Variants in TRAPPC9 observed in about 807,000 individuals in gnomAD.
The protein encoded by TRAPPC9 is IKK2 binding protein.
A neutral mutation model predicts 124.0 loss-of-function variants in TRAPPC9; 83 were observed. The ratio of observed to expected loss-of-function variants is 0.67; its 90% CI spans 0.56 to 0.80. The LOEUF (loss-of-function observed/expected upper bound fraction) is 0.80, where lower values mean the gene tolerates loss of function less well. Among genes scored for constraint, TRAPPC9 ranks in the 30% least tolerant of loss-of-function variants. The pLI is 0.00. For missense variants in TRAPPC9, 1,302 were observed against 1,508.3 expected (o/e 0.86, Z 2.27); for synonymous variants, 638 against 617.5 (o/e 1.03, Z -0.49).
intron 17 of TRAPPC9, among the ~76,000 whole-genome samples, chr8:140,192,570 C>T (rs1162392110): frequency 6.6e-6 from 1 of 152,234 alleles, no homozygotes; most frequent in Non-Finnish European, 1.5e-5. Context: ...GCTGTGCAGT[C>T]AGGGCAGCCC....
chr8:139,861,153 C>T (rs560438441), intron 21 of TRAPPC9, among the ~76,000 whole-genome samples: 8 of 152,258 alleles, frequency 5.3e-5, no homozygotes, highest in Non-Finnish European at 1.2e-4. Context: ...ATTTTCTCAG[C>T]AAGGCAATTT....
At chr8:139,815,680 G>A (rs1824780948) in intron 21 of TRAPPC9, among the ~76,000 whole-genome samples, 1 of 152,176 alleles carries the variant, frequency 6.6e-6, no homozygotes, top group African/African-American at 2.4e-5. Context: ...GTGAGCCACA[G>A]CGCCCGGCAA....
intron 15 of TRAPPC9, among the ~76,000 whole-genome samples, chr8:140,269,084 T>C (rs1460937167): frequency 1.3e-5 from 2 of 151,968 alleles, no homozygotes; most frequent in African/African-American, 4.8e-5. Flanking sequence ...GACAGATCCA[T>C]GTATTTCTAA....
intron 2 of TRAPPC9, among the ~76,000 whole-genome samples, chr8:140,446,441 A>G (rs894783138): frequency 6.6e-6 from 1 of 152,214 alleles, no homozygotes; most frequent in Non-Finnish European, 1.5e-5. Flanking sequence ...GTGGTCACTT[A>G]TACAGGGCCT....
At chr8:139,891,184 C>T (rs763458748) in intron 20 of TRAPPC9, among the ~76,000 whole-genome samples, 6 of 152,238 alleles carry the variant, frequency 3.9e-5, no homozygotes, top group Non-Finnish European at 7.3e-5. Context: ...GTTTTTCTTC[C>T]TTTGAACCCA....
chr8:140,080,910 G>A (rs1406757073), intron 17 of TRAPPC9, among the ~76,000 whole-genome samples: 1 of 152,142 alleles, frequency 6.6e-6, no homozygotes, highest in Non-Finnish European at 1.5e-5. Context: ...GAGCACAAAG[G>A]GTTTCATGTC....
rs532658419 is a variant in TRAPPC9, at chr8:140,152,968, A to G, written c.2556+68491T>C. Reference sequence around the variant, plus strand: ...TATCTTATTCCTAATTTTAGAGGGAACCCTTTGTTTTTTACCATTAAGTGT... The same window carrying G: ...TATCTTATTCCTAATTTTAGAGGGAGCCCTTTGTTTTTTACCATTAAGTGT... On this transcript the variant is annotated intron_variant, in intron 17 of 22. Coordinates refer to ENST00000438773, the MANE Select transcript of TRAPPC9 (RefSeq NM_001160372.4). 2.0e-5 allele frequency among the ~76,000 whole-genome samples: 3 copies of G among 152,080 alleles called. No individual in the cohort carries two copies. The South Asian group carries it at 6.2e-4, about 32-fold the overall frequency.
At chr8:140,148,053 C>G (rs1041650542) in intron 17 of TRAPPC9, among the ~76,000 whole-genome samples, 2 of 152,238 alleles carry the variant, frequency 1.3e-5, no homozygotes, top group African/African-American at 4.8e-5. Flanking sequence ...AGCAGTGAAG[C>G]AGACACACCC....
rs1040066999 is a variant in TRAPPC9 at position 139,737,472 on chromosome 8, C to T, written c.3056-5270G>A. On this transcript the variant is annotated intron_variant, in intron 21 of 22. Coordinates refer to ENST00000438773, the MANE Select transcript of TRAPPC9 (RefSeq NM_001160372.4). ...AGGCGGGGGTCATCAGCCCTCCCCC[C>T]CCCCCCACGGAAAACCCTGAGTCTG... Among the ~76,000 whole-genome samples the T allele has an allele frequency of 4.2e-5, 5 of 119,104 alleles. 1 individual carries two copies. The highest frequency in any genetic ancestry group is 1.5e-4 in the African/African-American group (5 of 33,814). The allele number at this position is 119,104 out of a possible 152,430, so 78.1% of individuals were successfully genotyped here.
chr8:140,215,355 G>A (rs2063164917), intron 17 of TRAPPC9, among the ~76,000 whole-genome samples: 1 of 152,072 alleles, frequency 6.6e-6, no homozygotes, highest in African/African-American at 2.4e-5. Context: ...AGACACAGAG[G>A]GCAGGCGCCG....
At position 140,274,219 on chromosome 8, in the gene TRAPPC9, GA is replaced by G. The variant is rs370765991; in HGVS notation, c.2278+1438del. 7.7e-3 allele frequency among the ~76,000 whole-genome samples: 1,142 copies of G among 148,228 alleles called. 5 individuals are homozygous for G. Among genetic ancestry groups the G allele is most frequent in the Non-Finnish European group, 0.011 (766 of 66,840 alleles). ...TGTGACTAGCACTGAAAGGAAAAAG[GA>G]AAAAAAAAACCCACAGAAAAGGGAA... On this transcript the variant is annotated intron_variant, in intron 15 of 22. Coordinates refer to ENST00000438773, the MANE Select transcript of TRAPPC9 (RefSeq NM_001160372.4).
At chr8:140,375,017 G>A (rs185846083) in intron 7 of TRAPPC9, among the ~76,000 whole-genome samples, 4 of 152,228 alleles carry the variant, frequency 2.6e-5, no homozygotes, top group Admixed American at 1.3e-4. Context: ...AAGCTCGAGC[G>A]CAACTGCTTT....
chr8:139,743,073 G>T (rs564096121), intron 21 of TRAPPC9, among the ~76,000 whole-genome samples: 3 of 152,292 alleles, frequency 2.0e-5, no homozygotes, highest in African/African-American at 7.2e-5. Flanking sequence ...GTGGGGTGAG[G>T]CTACCGTGGG....
At chr8:140,432,356 T>G (rs951610981) in intron 4 of TRAPPC9, among the ~76,000 whole-genome samples, 2 of 152,118 alleles carry the variant, frequency 1.3e-5, no homozygotes, top group Non-Finnish European at 2.9e-5. Context: ...ATCCAAAAAC[T>G]TTAACACCCC....
At chr8:140,210,170 C>T (rs1033721784) in intron 17 of TRAPPC9, among the ~76,000 whole-genome samples, 6 of 152,224 alleles carry the variant, frequency 3.9e-5, no homozygotes, top group Admixed American at 1.3e-4. Context: ...GCAGAGGGGC[C>T]GGAACCGTGA....
At chr8:139,995,712 G>C (rs554600315) in intron 18 of TRAPPC9, among the ~76,000 whole-genome samples, 1 of 152,174 alleles carries the variant, frequency 6.6e-6, no homozygotes, top group East Asian at 1.9e-4. Flanking sequence ...GAGCTTGACA[G>C]AATCAGACCC....
intron 17 of TRAPPC9, chr8:140,099,004 G>C (rs1037809852): frequency 6.6e-6 from 1 of 152,274 alleles, no homozygotes; most frequent in African/African-American, 2.4e-5. Flanking sequence ...CCGTGCACAG[G>C]GGAGGACACC....
chr8:139,937,146 A>G (rs1355060103), intron 19 of TRAPPC9, among the ~76,000 whole-genome samples: 1 of 152,128 alleles, frequency 6.6e-6, no homozygotes, highest in Non-Finnish European at 1.5e-5. Context: ...GCATCCCAGG[A>G]GGGGGCTGCT....
intron 9 of TRAPPC9, among the ~76,000 whole-genome samples, chr8:140,348,513 T>G (rs1588191454): frequency 6.6e-6 from 1 of 151,828 alleles, no homozygotes. Flanking sequence ...CCCCTCCTGA[T>G]GAAAACTCTC....
Sources: allele counts gnomAD v4.1 joint callset (sites outside exome capture counted in the v4.1 genomes callset), GRCh38; gene constraint gnomAD v4.1.1; transcripts MANE v1.5; gene names NCBI Gene and HGNC (gene_info 2026-07-23, HGNC 2026-07-21).